Variants in GRXCR1 observed in about 807,000 individuals in gnomAD.
The protein encoded by GRXCR1 is glutaredoxin domain-containing cysteine-rich protein 1.
A neutral mutation model predicts 27.3 loss-of-function variants in GRXCR1; 27 were observed. That is an observed-to-expected ratio of 0.99 (90% CI 0.73 to 1.37). The LOEUF is 1.37. GRXCR1 is among the 40% of genes most tolerant of loss of function. The pLI, the probability that GRXCR1 is intolerant of heterozygous loss-of-function variation, is 0.00. For synonymous variants in GRXCR1, 122 were observed against 131.1 expected, an observed-to-expected ratio of 0.93 and a Z score of 0.47; for missense variants, 379 against 354.4, an observed-to-expected ratio of 1.07 and a Z score of -0.56.
At chr4:42,972,794 C>T (rs774272344) in intron 2 of GRXCR1, among the ~76,000 whole-genome samples, 10 of 152,098 alleles carry the variant, frequency 6.6e-5, no homozygotes, top group Admixed American at 1.3e-4. Context: ...CTGGCTATTG[C>T]TTGAGCTTTT....
chr4:42,921,043 G>A (rs1746998259), intron 1 of GRXCR1, among the ~76,000 whole-genome samples: 1 of 152,080 alleles, frequency 6.6e-6, no homozygotes, highest in Non-Finnish European at 1.5e-5. Flanking sequence ...GTCTGAATGT[G>A]TCCCTTTAAA....
intron 3 of GRXCR1, among the ~76,000 whole-genome samples, chr4:43,026,266 C>T (rs1713256318): frequency 6.6e-6 from 1 of 152,208 alleles, no homozygotes; most frequent in Admixed American, 6.5e-5. Context: ...TATAACCCAA[C>T]TGGGTTTTCT....
chr4:43,020,474 G>T (rs1232871084), intron 3 of GRXCR1, 55 bp downstream of exon 3: 2 of 1,082,992 alleles, frequency 1.8e-6, no homozygotes, highest in Non-Finnish European at 1.4e-6. Flanking sequence ...AACACATTCT[G>T]ATTATAATTG....
At chr4:43,006,190 C>T (rs1712552794) in intron 2 of GRXCR1, among the ~76,000 whole-genome samples, 1 of 152,150 alleles carries the variant, frequency 6.6e-6, no homozygotes, top group Non-Finnish European at 1.5e-5. Context: ...TATATCGCCT[C>T]AGGACCCTGT....
intron 2 of GRXCR1, among the ~76,000 whole-genome samples, chr4:42,993,772 C>A (rs28474881): frequency 0.016 from 2,362 of 152,106 alleles, 70 homozygotes; most frequent in African/African-American, 0.054. Flanking sequence ...GTAAGTTGAA[C>A]CATTGTAAGT....
chr4:42,907,628 G>A (rs1254196267), intron 1 of GRXCR1, among the ~76,000 whole-genome samples: 1 of 152,126 alleles, frequency 6.6e-6, no homozygotes, highest in African/African-American at 2.4e-5. Flanking sequence ...GTGCCAAACA[G>A]ACATATTTCT....
At chr4:42,972,383 T>C (rs1285826422) in intron 2 of GRXCR1, among the ~76,000 whole-genome samples, 1 of 152,156 alleles carries the variant, frequency 6.6e-6, no homozygotes, top group Non-Finnish European at 1.5e-5. Flanking sequence ...AAGTGTTAAA[T>C]CTTCAAGCTT....
At chr4:42,947,756 T>C (rs530755562) in intron 1 of GRXCR1, among the ~76,000 whole-genome samples, 1 of 152,202 alleles carries the variant, frequency 6.6e-6, no homozygotes, top group Non-Finnish European at 1.5e-5. Context: ...TTCCTTCTGA[T>C]AATGATATAG....
chr4:42,910,077 A>C (rs1365534929), intron 1 of GRXCR1, among the ~76,000 whole-genome samples: 3 of 152,162 alleles, frequency 2.0e-5, no homozygotes, highest in Non-Finnish European at 4.4e-5. Flanking sequence ...AAGGAGAAGC[A>C]AGTACATCTT....
intron 2 of GRXCR1, among the ~76,000 whole-genome samples, chr4:42,965,420 C>T (rs541370737): frequency 2.6e-5 from 4 of 152,022 alleles, no homozygotes; most frequent in African/African-American, 9.7e-5. Context: ...AACGAATTCT[C>T]CTCCTATTAA....
chr4:43,022,222 A>G (rs1713114220), intron 3 of GRXCR1, among the ~76,000 whole-genome samples: 1 of 152,164 alleles, frequency 6.6e-6, no homozygotes, highest in African/African-American at 2.4e-5. Flanking sequence ...TTCTTGTTGC[A>G]TCAATATCAT....
At chr4:42,980,903 C>A (rs370407569) in intron 2 of GRXCR1, among the ~76,000 whole-genome samples, 19 of 150,646 alleles carry the variant, frequency 1.3e-4, no homozygotes, top group South Asian at 6.3e-4. Flanking sequence ...TTTATGTGCC[C>A]TTACAGGTGA....
At position 42,893,522 on chromosome 4, in the gene GRXCR1, G is replaced by C; in HGVS notation, c.256G>C (p.Ala86Pro). Residue 86 changes from alanine (A) to proline (P), a missense_variant, in exon 1 of 4, where the codon GCT becomes CCT. Coordinates refer to ENST00000399770, the MANE Select transcript of GRXCR1 (RefSeq NM_001080476.3). ...DQDSLLVLAR[A>P]ASEKGFGTRR... ...GGATAGCTTGCTGGTGTTAGCAAGG[G>C]CTGCCAGTGAGAAGGGTTTTGGTAC... The C allele has an allele frequency of 6.2e-7, 1 of 1,613,866 alleles. No homozygotes were observed. The highest frequency in any genetic ancestry group is 8.5e-7 in the Non-Finnish European group (1 of 1,179,848).
At chr4:42,964,604 A>T (rs2010412843) in intron 2 of GRXCR1, among the ~76,000 whole-genome samples, 1 of 152,048 alleles carries the variant, frequency 6.6e-6, no homozygotes, top group Non-Finnish European at 1.5e-5. Flanking sequence ...CTTTGCTCCA[A>T]GTGACAGAGC....
At chr4:43,018,931 G>C (rs1241833092) in intron 2 of GRXCR1, among the ~76,000 whole-genome samples, 1 of 152,118 alleles carries the variant, frequency 6.6e-6, no homozygotes, top group African/African-American at 2.4e-5. Flanking sequence ...ACTTGCCTCA[G>C]AGAGCAATAT....
chr4:42,997,160 C>T (rs1300551218), intron 2 of GRXCR1, among the ~76,000 whole-genome samples: 5 of 151,994 alleles, frequency 3.3e-5, no homozygotes, highest in Non-Finnish European at 2.9e-5. Flanking sequence ...TAGGTTATTA[C>T]CCATAGGTAA....
At chr4:42,902,975 C>T (rs1415561178) in intron 1 of GRXCR1, among the ~76,000 whole-genome samples, 4 of 152,242 alleles carry the variant, frequency 2.6e-5, no homozygotes, top group East Asian at 1.9e-4. Flanking sequence ...TAACTATGAT[C>T]TCAGAGAAGC....
chr4:43,025,389 T>C (rs1560692430), intron 3 of GRXCR1, among the ~76,000 whole-genome samples: 3 of 152,204 alleles, frequency 2.0e-5, no homozygotes, highest in Admixed American at 1.3e-4. Flanking sequence ...ATACTCAATA[T>C]ATATTTGTGG....
Position 42,907,089 on chromosome 4 carries a change from G to A in GRXCR1, c.384+13439G>A, listed in dbSNP as rs181380691. On this transcript the variant is annotated intron_variant, in intron 1 of 3. Coordinates refer to ENST00000399770, the MANE Select transcript of GRXCR1 (RefSeq NM_001080476.3). ...AAGCAGGTTAGGCAGGGAAGAAAGC[G>A]AAACAAGGTAGTCATCTTGGCTAGA... is the stretch of plus-strand genomic sequence containing the variant. 1.0e-3 allele frequency among the ~76,000 whole-genome samples: 157 copies of A among 152,286 alleles called. No individual in the cohort carries two copies. In the Middle Eastern group the frequency reaches 0.031, roughly 30 times the overall value.
Sources: allele counts gnomAD v4.1 joint callset (sites outside exome capture counted in the v4.1 genomes callset), GRCh38; gene constraint gnomAD v4.1.1; transcripts MANE v1.5; gene names NCBI Gene and HGNC (gene_info 2026-07-23, HGNC 2026-07-21).